PTPRT: variants seen among roughly 807,000 people sequenced by gnomAD.
PTPRT encodes the protein receptor-type tyrosine-protein phosphatase T.
Under a neutral mutation model 176.8 loss-of-function variants are expected in PTPRT, and 56 were observed. That is an observed-to-expected ratio of 0.32 (90% confidence interval 0.26 to 0.40). The LOEUF is 0.40. PTPRT is among the 10% of genes least tolerant of loss of function. The probability of loss-of-function intolerance (pLI) is 1.00; values close to 1 mark genes in which losing one functional copy is unlikely to be tolerated. For synonymous variants in PTPRT, 783 were observed against 739.0 expected, an observed-to-expected ratio of 1.06 and a Z score of -0.96; for missense variants, 1,540 against 1,908.2, an observed-to-expected ratio of 0.81 and a Z score of 3.60.
At chr20:42,863,772 G>A (rs1469591445) in intron 2 of PTPRT, among the ~76,000 whole-genome samples, 2 of 152,210 alleles carry the variant, frequency 1.3e-5, no homozygotes, top group African/African-American at 2.4e-5. Flanking sequence ...TGGTCTTGCT[G>A]TAAAGGATCT....
At position 42,472,364 on chromosome 20, in the gene PTPRT, C is replaced by G. The variant is rs764219594; in HGVS notation, c.1352G>C (p.Gly451Ala). The G allele has an allele frequency of 6.8e-6, 11 of 1,614,080 alleles. No homozygotes were observed. The highest frequency in any genetic ancestry group is 8.5e-6 in the Non-Finnish European group (10 of 1,180,038). ...IQTSSHYTLR[G>A]LRPFMTIRLR... ...CCGGATGGTCATGAAGGGGCGCAGG[C>G]CTCGCAGGGTGTAGTGGGAGGAGGT... The change falls in exon 8 of 31, where the codon GGC becomes GCC. Residue 451 changes from glycine (G) to alanine (A), a missense_variant. Coordinates refer to ENST00000373187, the MANE Select transcript of PTPRT (RefSeq NM_007050.6).
intron 9 of PTPRT, among the ~76,000 whole-genome samples, chr20:42,410,258 A>C (rs1253713259): frequency 6.6e-6 from 1 of 152,194 alleles, no homozygotes; most frequent in African/African-American, 2.4e-5. Context: ...GTAGGTTTAA[A>C]AGACATATTC....
intron 15 of PTPRT, among the ~76,000 whole-genome samples, chr20:42,203,198 C>T (rs1430788188): frequency 7.9e-5 from 12 of 152,108 alleles, no homozygotes; most frequent in Non-Finnish European, 4.4e-5. Context: ...AACACAAAAC[C>T]ACAGTTTGGG....
At chr20:42,797,986 T>C (rs2077476623) in intron 2 of PTPRT, among the ~76,000 whole-genome samples, 2 of 152,206 alleles carry the variant, frequency 1.3e-5, no homozygotes, top group African/African-American at 4.8e-5. Flanking sequence ...GGACTTCTGA[T>C]GTCCAGATTA....
intron 1 of PTPRT, among the ~76,000 whole-genome samples, chr20:42,917,496 A>G (rs1978851862): frequency 1.3e-5 from 2 of 152,172 alleles, no homozygotes; most frequent in South Asian, 4.1e-4. Flanking sequence ...CAATTCTGTG[A>G]AGAAAGTCAT....
intron 7 of PTPRT, among the ~76,000 whole-genome samples, chr20:42,663,596 T>G (rs2146011085): frequency 6.6e-6 from 1 of 152,300 alleles, no homozygotes; most frequent in Middle Eastern, 3.4e-3. Context: ...AATCTCCATG[T>G]GCAGAATTTG....
At chr20:42,496,590 C>T (rs1337679685) in intron 7 of PTPRT, among the ~76,000 whole-genome samples, 1 of 151,798 alleles carries the variant, frequency 6.6e-6, no homozygotes, top group Non-Finnish European at 1.5e-5. Flanking sequence ...TGTCTATTAG[C>T]TCCTGAATTT....
chr20:42,643,823 G>A (rs1248002733), intron 7 of PTPRT, among the ~76,000 whole-genome samples: 1 of 151,852 alleles, frequency 6.6e-6, no homozygotes, highest in Admixed American at 6.6e-5. Context: ...CCCCTTGCCT[G>A]AGCATAATGC....
chr20:42,662,969 TGTG>T (rs2075251061), intron 7 of PTPRT, among the ~76,000 whole-genome samples: 1 of 38,616 alleles, frequency 2.6e-5, no homozygotes, highest in South Asian at 5.2e-4. Flanking sequence ...TGAATATATG[TGTG>T]TGTGTGTGTG....
At chr20:43,179,829 G>A (rs1280603447) in intron 1 of PTPRT, among the ~76,000 whole-genome samples, 1 of 152,250 alleles carries the variant, frequency 6.6e-6, no homozygotes, top group Admixed American at 6.5e-5. Context: ...ACTTGTGTGT[G>A]ACTTCAGGTT....
intron 19 of PTPRT, among the ~76,000 whole-genome samples, chr20:42,123,329 A>C (rs1987683993): frequency 6.6e-6 from 1 of 152,234 alleles, no homozygotes; most frequent in African/African-American, 2.4e-5. Flanking sequence ...ACAGTTATTC[A>C]CTGTCAATCA....
chr20:43,049,897 A>C (rs75748135), intron 1 of PTPRT, among the ~76,000 whole-genome samples: 2,650 of 152,356 alleles, frequency 0.017, 73 homozygotes, highest in African/African-American at 0.06. Flanking sequence ...TAATTATGGG[A>C]TCTCCCTGAG....
At chr20:42,790,167 T>G (rs1418350434) in intron 3 of PTPRT, among the ~76,000 whole-genome samples, 4 of 152,102 alleles carry the variant, frequency 2.6e-5, no homozygotes, top group Admixed American at 2.0e-4. Context: ...GTCATGGGAT[T>G]GCACACTTAA....
At chr20:42,507,736 G>A (rs13043528) in intron 7 of PTPRT, among the ~76,000 whole-genome samples, 2,649 of 152,080 alleles carry the variant, frequency 0.017, 40 homozygotes, top group Non-Finnish European at 0.026. Flanking sequence ...CCAGCGGGCC[G>A]GTTTCTAATT....
chr20:42,411,854 A>G (rs1241381539), intron 9 of PTPRT, among the ~76,000 whole-genome samples: 1 of 152,106 alleles, frequency 6.6e-6, no homozygotes, highest in Non-Finnish European at 1.5e-5. Context: ...CTACAAAAAA[A>G]AAAATAGTAT....
intron 1 of PTPRT, among the ~76,000 whole-genome samples, chr20:43,134,157 TC>T (rs1387146784): frequency 6.6e-6 from 1 of 152,080 alleles, no homozygotes; most frequent in Non-Finnish European, 1.5e-5. Context: ...ACCCAGAGTC[TC>T]CAACAAATAA....
chr20:42,807,664 T>A lies in PTPRT; in HGVS notation c.215-16198A>T, dbSNP rs143212378. 7.0e-4 allele frequency among the ~76,000 whole-genome samples: 106 copies of A among 152,234 alleles called. No homozygotes were observed. The Middle Eastern group carries it at 0.017, about 24-fold the overall frequency. ...CAGGGCCAAAAGCATAGACAACAGG[T>A]GTGGGCGAAAATTCTCTACTTGTAT... On this transcript the variant is annotated intron_variant, in intron 2 of 30. Coordinates refer to ENST00000373187, the MANE Select transcript of PTPRT (RefSeq NM_007050.6).
intron 15 of PTPRT, among the ~76,000 whole-genome samples, chr20:42,235,879 A>G (rs2056231493): frequency 6.6e-6 from 1 of 152,206 alleles, no homozygotes; most frequent in South Asian, 2.1e-4. Flanking sequence ...AGTTGCTAAG[A>G]CTGTGATTCT....
At position 43,118,875 on chromosome 20, in the gene PTPRT, T is replaced by A. The variant is rs542341886; in HGVS notation, c.88+70771A>T. ...ATGTTGGTTCAGTAGTTTTCAAGAA[T>A]CATAATAGATGTTATCATTACGCAC... On this transcript the variant is annotated intron_variant, in intron 1 of 30. Coordinates refer to ENST00000373187, the MANE Select transcript of PTPRT (RefSeq NM_007050.6). 2.0e-5 allele frequency among the ~76,000 whole-genome samples: 3 copies of A among 152,338 alleles called. No individual in the cohort carries two copies. In the East Asian group the frequency reaches 5.8e-4, roughly 29 times the overall value.
Sources: allele counts gnomAD v4.1 joint callset (sites outside exome capture counted in the v4.1 genomes callset), GRCh38; gene constraint gnomAD v4.1.1; transcripts MANE v1.5; gene names NCBI Gene and HGNC (gene_info 2026-07-23, HGNC 2026-07-21).